The following LARP1 variants were observed in gnomAD, a reference collection of about 807,000 sequenced individuals.
LARP1 encodes la-related protein 1.
Under a neutral mutation model 122.7 loss-of-function variants are expected in LARP1, and 36 were observed. The ratio of observed to expected loss-of-function variants is 0.29; its 90% CI spans 0.22 to 0.39. The LOEUF is 0.39. Ranked by LOEUF, LARP1 falls within the 10% of genes least tolerant of loss-of-function variation. LARP1 has a pLI of 1.00. For synonymous variants in LARP1, 539 were observed against 528.7 expected, an observed-to-expected ratio of 1.02 and a Z score of -0.27; for missense variants, 1,040 against 1,403.6, an observed-to-expected ratio of 0.74 and a Z score of 4.14.
chr5:154,738,622 C>T (rs1041502413), intron 1 of LARP1, among the ~76,000 whole-genome samples: 1 of 152,046 alleles, frequency 6.6e-6, no homozygotes, highest in Non-Finnish European at 1.5e-5. Context: ...GCAGCTGTTA[C>T]AGCAATGCCC....
intron 1 of LARP1, among the ~76,000 whole-genome samples, chr5:154,761,986 A>G (rs540928474): frequency 1.3e-5 from 2 of 152,354 alleles, no homozygotes; most frequent in Admixed American, 6.5e-5. Context: ...TCACACCTGT[A>G]ATCCTAGCAC....
At chr5:154,796,641 ATTGTCTCTCTTGT>A (rs1212578787) in intron 8 of LARP1, among the ~76,000 whole-genome samples, 1 of 152,046 alleles carries the variant, frequency 6.6e-6, no homozygotes, top group Non-Finnish European at 1.5e-5. Flanking sequence ...ATTTCATTTG[ATTGTCTCTCTTGT>A]GCTATAAGCT....
intron 1 of LARP1, among the ~76,000 whole-genome samples, chr5:154,778,258 T>TAAAAAAAAAAAAA (rs577057003): frequency 8.4e-6 from 1 of 119,710 alleles, no homozygotes; most frequent in African/African-American, 3.1e-5. Context: ...AGACTCCGTC[T>TAAAAAAAAAAAAA]AAAAAAAAAA....
At chr5:154,694,509 C>A (rs752980747) in intron 1 of LARP1, among the ~76,000 whole-genome samples, 20 of 152,110 alleles carry the variant, frequency 1.3e-4, no homozygotes, top group Non-Finnish European at 2.5e-4. Context: ...ACCTTCCCAC[C>A]TTGACTTCCC....
rs1013741703 is a variant in LARP1, at chr5:154,788,278, A to G, written c.437-2047A>G. 2.6e-5 allele frequency among the ~76,000 whole-genome samples: 4 copies of G among 152,078 alleles called. No individual in the cohort carries two copies. In the East Asian group the frequency reaches 7.7e-4, roughly 29 times the overall value. On this transcript the variant is annotated intron_variant, in intron 1 of 18. Coordinates refer to ENST00000518297, the MANE Select transcript of LARP1 (RefSeq NM_033551.3). ...TAAGAACTCTATCCTCTTGGGATTG[A>G]GATTTTCTGGTTCACCATTGCCCTG... is the stretch of plus-strand genomic sequence containing the variant.
chr5:154,729,248 A>C (rs1398142003), intron 1 of LARP1: 1 of 162,366 alleles, frequency 6.2e-6, no homozygotes, highest in Non-Finnish European at 1.3e-5. Flanking sequence ...ACACAAAGGG[A>C]AAGAGAAGCA....
intron 1 of LARP1, among the ~76,000 whole-genome samples, chr5:154,778,891 A>C (rs1403829828): frequency 2.0e-5 from 3 of 152,228 alleles, no homozygotes; most frequent in African/African-American, 7.2e-5. Flanking sequence ...GATAAATCAA[A>C]TATTTAGTAT....
intron 1 of LARP1, among the ~76,000 whole-genome samples, chr5:154,683,084 G>T (rs1329932585): frequency 6.6e-6 from 1 of 152,194 alleles, no homozygotes; most frequent in Non-Finnish European, 1.5e-5. Flanking sequence ...CGGCACCACC[G>T]TCTGGGCCCT....
chr5:154,800,103 G>T (rs949662915), intron 10 of LARP1, 61 bp downstream of exon 10: 96 of 1,481,982 alleles, frequency 6.5e-5, no homozygotes, highest in Non-Finnish European at 8.6e-5. Flanking sequence ...GCTTGAAGGG[G>T]ATAACACATG....
At chr5:154,808,667 T>A in intron 16 of LARP1, 64 bp downstream of exon 16, 1 of 1,527,784 alleles carries the variant, frequency 6.5e-7, no homozygotes, top group Non-Finnish European at 8.9e-7. Context: ...CCCTAGTTGG[T>A]CTGCTTCCAG....
chr5:154,777,197 T>G, intron 1 of LARP1, among the ~76,000 whole-genome samples: 1 of 152,150 alleles, frequency 6.6e-6, no homozygotes, highest in South Asian at 2.1e-4. Context: ...TTTGTGTATC[T>G]AAACATAGAA....
intron 7 of LARP1, 138 bp from the exon 8 acceptor site, chr5:154,795,037 C>A: frequency 2.5e-6 from 2 of 786,534 alleles, no homozygotes; most frequent in Non-Finnish European, 4.2e-6. Flanking sequence ...GCCCTCAACA[C>A]TGTTGGTATA....
At position 154,703,135 on chromosome 5, in the gene LARP1, A is replaced by G. The variant is rs867287693; in HGVS notation, c.-180+20098A>G. ...GACGCTGTCTCAAAAAAAAAAAAAA[A>G]AAAAAAAAAAAAGAGAGGACACTGG... On this transcript the variant is annotated intron_variant, in intron 1 of 18. Transcript: ENST00000687700. Among the ~76,000 whole-genome samples the G allele has an allele frequency of 9.7e-3, 1,459 of 150,434 alleles. 31 individuals are homozygous for G. The highest frequency in any genetic ancestry group is 0.034 in the African/African-American group (1,378 of 40,818).
At chr5:154,728,822 G>A (rs1388836963) in intron 1 of LARP1, among the ~76,000 whole-genome samples, 1 of 152,172 alleles carries the variant, frequency 6.6e-6, no homozygotes, top group East Asian at 1.9e-4. Context: ...GGAAGAGCTC[G>A]TTCAGGGCTG....
chr5:154,751,662 T>C (rs1229898760), upstream of LARP1, among the ~76,000 whole-genome samples: 1 of 152,220 alleles, frequency 6.6e-6, no homozygotes, highest in African/African-American at 2.4e-5. Flanking sequence ...AAATATTACA[T>C]ACAATAAGAT....
chr5:154,777,988 G>A (rs1017627185), intron 1 of LARP1, among the ~76,000 whole-genome samples: 5 of 152,076 alleles, frequency 3.3e-5, no homozygotes. Context: ...CAGGATGGGT[G>A]CGGTGACTCA....
At chr5:154,729,657 G>T in intron 1 of LARP1, 1 of 382,900 alleles carries the variant, frequency 2.6e-6, no homozygotes, top group South Asian at 2.2e-5. Context: ...ATAGGAGCCT[G>T]AGCTGCTGGA....
At chr5:154,777,029 T>A in intron 1 of LARP1, among the ~76,000 whole-genome samples, 1 of 152,214 alleles carries the variant, frequency 6.6e-6, no homozygotes, top group East Asian at 1.9e-4. Flanking sequence ...ATTAGTTGAT[T>A]TTGTCATCGT....
At chr5:154,689,475 T>C (rs1268661031) in intron 1 of LARP1, among the ~76,000 whole-genome samples, 1 of 145,868 alleles carries the variant, frequency 6.9e-6, no homozygotes, top group African/African-American at 2.6e-5. Context: ...TAAAAAATAA[T>C]CTGGCGAGGT....
Sources: gnomAD v4.1 joint callset for allele counts (sites outside exome capture counted in the v4.1 genomes callset) on GRCh38, gnomAD v4.1.1 for gene constraint, MANE v1.5 for transcripts, NCBI Gene and HGNC (gene_info 2026-07-23, HGNC 2026-07-21) for gene names.